The following SBNO1 variants were observed in gnomAD, a reference collection of about 807,000 sequenced individuals.
The protein encoded by SBNO1 is protein strawberry notch homolog 1.
A neutral mutation model predicts 173.6 loss-of-function variants in SBNO1; 23 were observed. That is an observed-to-expected ratio of 0.13 (90% confidence interval 0.10 to 0.19). SBNO1 has a LOEUF of 0.19. Ranked by LOEUF, SBNO1 falls within the 10% of genes least tolerant of loss-of-function variation. The pLI, the probability that SBNO1 is intolerant of heterozygous loss-of-function variation, is 1.00. For missense variants in SBNO1, 1,238 were observed against 1,671.2 expected, an observed-to-expected ratio of 0.74 and a Z score of 4.52; for synonymous variants, 632 against 571.5, an observed-to-expected ratio of 1.11 and a Z score of -1.51.
chr12:123,333,355 T>C (rs577197509), intron 7 of SBNO1, among the ~76,000 whole-genome samples: 9 of 152,186 alleles, frequency 5.9e-5, no homozygotes, highest in African/African-American at 2.2e-4. Flanking sequence ...GTTTATGCAA[T>C]TACCCCCCAA....
chr12:123,363,466 A>G (rs879669992), intron 1 of SBNO1, among the ~76,000 whole-genome samples: 4 of 152,134 alleles, frequency 2.6e-5, no homozygotes, highest in Non-Finnish European at 4.4e-5. Flanking sequence ...ACCCTTCTGG[A>G]TGACTCTTTA....
chr12:123,297,328 TC>T (rs2048633189), intron 31 of SBNO1, among the ~76,000 whole-genome samples: 1 of 20,296 alleles, frequency 4.9e-5, no homozygotes, highest in Non-Finnish European at 8.5e-5. Flanking sequence ...AGACTCAGTC[TC>T]AAAAAAAAAA....
At position 123,289,716 on chromosome 12, in the gene SBNO1, G is replaced by A. The variant is rs867826472; in HGVS notation, c.*6192C>T. 1.2e-4 allele frequency: 18 copies of A among 152,210 alleles called. No homozygotes were observed. The highest frequency in any genetic ancestry group is 3.1e-4 in the African/African-American group (13 of 41,450). The allele number at this position is 152,210 out of a possible 1,614,324, so 9.4% of individuals were successfully genotyped here. On this transcript the variant is annotated 3_prime_UTR_variant, in exon 32 of 32. Transcript: ENST00000602398. ...TGGTTATTGAAAAATCATATCAGTA[G>A]TTTGCAAATTCAGTATAAACCATGA...
At chr12:123,362,199 G>A (rs186992303) in intron 1 of SBNO1, among the ~76,000 whole-genome samples, 2,439 of 151,744 alleles carry the variant, frequency 0.016, 79 homozygotes, top group African/African-American at 0.057. Flanking sequence ...CACTTTGGGA[G>A]GCCGAGGCAA....
chr12:123,317,301 C>T lies in SBNO1; in HGVS notation c.2855G>A (p.Arg952Lys), dbSNP rs768884616. Residue 952 changes from arginine to lysine, a missense_variant, in exon 21 of 32, where the codon AGG (arginine) becomes AAG (lysine). Physicochemically the swap from Arg to Lys is conservative, Grantham distance 26 (BLOSUM62 2). Coordinates refer to ENST00000602398, the MANE Select transcript of SBNO1 (RefSeq NM_001167856.3). Reference sequence around the variant, plus strand: ...TCTTCGCCTTTGATTTTTAGCTCTCCTATCTGCTTGTAATGAAATACCCGA... The same window carrying T: ...TCTTCGCCTTTGATTTTTAGCTCTCTTATCTGCTTGTAATGAAATACCCGA... ...ASSGISLQAD[R>K]RAKNQRRRVH... 8.7e-6 allele frequency: 14 copies of T among 1,613,828 alleles called. No individual in the cohort carries two copies. Among genetic ancestry groups the T allele is most frequent in the African/African-American group, 6.7e-5 (5 of 74,914 alleles).
In SBNO1 at chr12:123,341,057, C is replaced by A; in HGVS notation, c.582G>T (p.Glu194Asp). The change falls in exon 5 of 32, where the codon GAG becomes GAT. Residue 194 changes from glutamate to aspartate, a missense_variant. By Grantham distance (45) the Glu-to-Asp change is conservative. Transcript: ENST00000602398. ...TDVSNGTVKK[E>D]SSNKEGARMW... ...TTCTAGCTCCTTCTTTATTAGAAGACTCTTTCTTTACTGTACCATTGCTTA... is the reference window on the plus strand; with the variant it reads ...TTCTAGCTCCTTCTTTATTAGAAGAATCTTTCTTTACTGTACCATTGCTTA... The A allele has an allele frequency of 2.5e-6, 4 of 1,601,300 alleles. No individual in the cohort carries two copies. Among genetic ancestry groups the A allele is most frequent in the Non-Finnish European group, 3.4e-6 (4 of 1,173,428 alleles).
At chr12:123,341,989 G>A (rs937306087) in intron 4 of SBNO1, among the ~76,000 whole-genome samples, 1 of 150,848 alleles carries the variant, frequency 6.6e-6, no homozygotes, top group African/African-American at 2.4e-5. Context: ...GCATTACTTT[G>A]AGACACTTCA....
chr12:123,333,584 C>T (rs1871489721), intron 7 of SBNO1, among the ~76,000 whole-genome samples: 1 of 151,940 alleles, frequency 6.6e-6, no homozygotes, highest in African/African-American at 2.4e-5. Context: ...GCAGCCTCGA[C>T]TTCCTGGGCT....
At chr12:123,325,788 A>G (rs1336848768) in intron 14 of SBNO1, among the ~76,000 whole-genome samples, 189 bp from the exon 15 acceptor site, 2 of 152,170 alleles carry the variant, frequency 1.3e-5, no homozygotes, top group African/African-American at 4.8e-5. Context: ...TTTAGGCAGG[A>G]GATAGGATTA....
chr12:123,295,786 A>G lies in SBNO1; in HGVS notation c.*122T>C, dbSNP rs988937862. 61 of 1,363,534 alleles carry G rather than the reference A, an allele frequency of 4.5e-5. No individual in the cohort carries two copies. The highest frequency in any genetic ancestry group is 5.8e-5 in the Non-Finnish European group (58 of 1,000,666). 84.5% of individuals were successfully genotyped at this position (1,363,534 alleles called of 1,614,324 possible). A position where few individuals can be genotyped will look rare whatever the true frequency, so the allele number is the denominator to read the frequency against. ...CCAGGTTTGTCCTTACTCCCAAAAAAACTAACTAGAGAGCACAACTGAAAA... is the reference window on the plus strand; with the variant it reads ...CCAGGTTTGTCCTTACTCCCAAAAAGACTAACTAGAGAGCACAACTGAAAA... On this transcript the variant is annotated 3_prime_UTR_variant, in exon 32 of 32. Coordinates refer to ENST00000602398, the MANE Select transcript of SBNO1 (RefSeq NM_001167856.3).
At chr12:123,337,696 T>A (rs1408783171) in intron 5 of SBNO1, among the ~76,000 whole-genome samples, 1 of 152,170 alleles carries the variant, frequency 6.6e-6, no homozygotes, top group Non-Finnish European at 1.5e-5. Context: ...ACTGGCCAAA[T>A]GAATAGATTT....
In SBNO1 at chr12:123,359,343, G is replaced by A. The variant is rs142862655; in HGVS notation, c.-1+5358C>T. 5.8e-3 allele frequency among the ~76,000 whole-genome samples: 886 copies of A among 151,764 alleles called. 7 individuals carry two copies. The highest frequency in any genetic ancestry group is 0.019 in the African/African-American group (806 of 41,468). On this transcript the variant is annotated intron_variant, in intron 1 of 31. Coordinates refer to ENST00000602398, the MANE Select transcript of SBNO1 (RefSeq NM_001167856.3). ...TGAGATCACTTGAAGCCAGGAGTTC[G>A]AGACCAGCCTGGCCAACATATACAC... is the stretch of plus-strand genomic sequence containing the variant.
chr12:123,348,452 T>G (rs1223561021), intron 2 of SBNO1, among the ~76,000 whole-genome samples: 1 of 152,130 alleles, frequency 6.6e-6, no homozygotes, highest in African/African-American at 2.4e-5. Flanking sequence ...TGAAACCCCA[T>G]CTCTACTAAA....
At chr12:123,308,623 C>T (rs920399476) in intron 28 of SBNO1, among the ~76,000 whole-genome samples, 1 of 151,848 alleles carries the variant, frequency 6.6e-6, no homozygotes, top group African/African-American at 2.4e-5. Context: ...TGCAGTGAGC[C>T]GAGATCGCAC....
intron 31 of SBNO1, among the ~76,000 whole-genome samples, chr12:123,297,329 CAAAAAAAAA>C (rs11427958): frequency 3.1e-5 from 1 of 32,040 alleles, no homozygotes; most frequent in South Asian, 1.7e-3. Context: ...GACTCAGTCT[CAAAAAAAAA>C]AAAAAAAAAA....
At chr12:123,335,130 G>C (rs565495629) in intron 6 of SBNO1, among the ~76,000 whole-genome samples, 18 of 152,186 alleles carry the variant, frequency 1.2e-4, no homozygotes, top group Non-Finnish European at 2.4e-4. Context: ...GGCTAAGGCT[G>C]CAGTGAGCTA....
chr12:123,332,356 A>G (rs1372153197), intron 7 of SBNO1, among the ~76,000 whole-genome samples: 2 of 151,908 alleles, frequency 1.3e-5, no homozygotes, highest in Admixed American at 1.3e-4. Flanking sequence ...CAATGGCACA[A>G]TCTCGGCTCA....
chr12:123,344,180 C>T (rs1256189592), intron 4 of SBNO1, among the ~76,000 whole-genome samples: 1 of 152,238 alleles, frequency 6.6e-6, no homozygotes, highest in Non-Finnish European at 1.5e-5. Context: ...CTTCCACCAA[C>T]TGTCGACCAT....
At chr12:123,358,359 A>T (rs1327633816) in intron 1 of SBNO1, among the ~76,000 whole-genome samples, 1 of 152,224 alleles carries the variant, frequency 6.6e-6, no homozygotes, top group East Asian at 1.9e-4. Flanking sequence ...TGCTCAACCC[A>T]TATATGGGTG....
Sources: allele counts gnomAD v4.1 joint callset (sites outside exome capture counted in the v4.1 genomes callset), GRCh38; gene constraint gnomAD v4.1.1; transcripts MANE v1.5; gene names NCBI Gene and HGNC (gene_info 2026-07-23, HGNC 2026-07-21).